ACTR3B: variants seen among roughly 807,000 people sequenced by gnomAD.
ACTR3B encodes actin related protein 3B.
A neutral mutation model predicts 59.0 loss-of-function variants in ACTR3B; 8 were observed. That is an observed-to-expected ratio of 0.14 (90% CI 0.08 to 0.24). The LOEUF is 0.24. Among genes scored for constraint, ACTR3B ranks in the 10% least tolerant of loss-of-function variants. The pLI, the probability that ACTR3B is intolerant of heterozygous loss-of-function variation, is 1.00. For missense variants in ACTR3B, 245 were observed against 552.3 expected, an observed-to-expected ratio of 0.44 and a Z score of 5.58; for synonymous variants, 148 against 197.9, an observed-to-expected ratio of 0.75 and a Z score of 2.12.
At chr7:152,763,614 G>A (rs1159429457) in intron 1 of ACTR3B, among the ~76,000 whole-genome samples, 3 of 151,884 alleles carry the variant, frequency 2.0e-5, no homozygotes, top group African/African-American at 2.4e-5. Flanking sequence ...TGGTAGAGAC[G>A]GGATTTCATC....
At chr7:152,818,750 A>G (rs1795917464) in intron 6 of ACTR3B, among the ~76,000 whole-genome samples, 1 of 152,230 alleles carries the variant, frequency 6.6e-6, no homozygotes, top group Admixed American at 6.5e-5. Flanking sequence ...TGCCCGGCCT[A>G]AGCTCTTTTT....
In ACTR3B at chr7:152,852,239, C is replaced by T. The variant is rs144915052; in HGVS notation, c.1065C>T (p.Gly355=). The T allele has an allele frequency of 1.7e-4, 273 of 1,581,208 alleles. 2 individuals carry two copies. In the African/African-American group the frequency reaches 2.6e-3, roughly 15 times the overall value. Residue 355 remains glycine (G), a synonymous_variant, in exon 10 of 12, where the codon GGC becomes GGT. Coordinates refer to ENST00000256001, the MANE Select transcript of ACTR3B (RefSeq NM_020445.6). ...ARLRLSEELS[G]GRIKPKPVEV... is the part of the protein sequence containing the mutation. ...TGAGGCTCAGCGAGGAGCTCAGCGGCGGGAGGATCAAGGTAGGAGCCAGAG... is the reference window on the plus strand; with the variant it reads ...TGAGGCTCAGCGAGGAGCTCAGCGGTGGGAGGATCAAGGTAGGAGCCAGAG...
At chr7:152,799,448 G>A (rs1254180567) in intron 2 of ACTR3B, among the ~76,000 whole-genome samples, 1 of 152,150 alleles carries the variant, frequency 6.6e-6, no homozygotes, top group East Asian at 1.9e-4. Flanking sequence ...GCTATTGTGA[G>A]GATGTAATAA....
intron 2 of ACTR3B, among the ~76,000 whole-genome samples, chr7:152,797,601 G>A (rs918769719): frequency 4.6e-5 from 7 of 152,050 alleles, no homozygotes; most frequent in East Asian, 1.9e-4. Context: ...TTGTCACGTC[G>A]TTGTATGCTA....
At chr7:152,783,987 G>A (rs983593952) in intron 2 of ACTR3B, among the ~76,000 whole-genome samples, 4 of 152,136 alleles carry the variant, frequency 2.6e-5, no homozygotes, top group Non-Finnish European at 4.4e-5. Flanking sequence ...CGACTCGGGA[G>A]GCTGAGGCAG....
chr7:152,764,396 G>A (rs2098101215), intron 1 of ACTR3B, among the ~76,000 whole-genome samples: 3 of 152,206 alleles, frequency 2.0e-5, no homozygotes, highest in South Asian at 2.1e-4. Context: ...TTGGGAGGCC[G>A]AGGATGTGGA....
chr7:152,771,669 A>G (rs974005835), intron 1 of ACTR3B, among the ~76,000 whole-genome samples: 7 of 152,198 alleles, frequency 4.6e-5, no homozygotes, highest in Non-Finnish European at 8.8e-5. Context: ...ATAAAAGACA[A>G]AGTTTTCCTG....
intron 1 of ACTR3B, among the ~76,000 whole-genome samples, chr7:152,764,743 A>C (rs1232506805): frequency 1.3e-5 from 2 of 152,200 alleles, no homozygotes; most frequent in Admixed American, 1.3e-4. Context: ...TTCTGGGTCA[A>C]AGGGCAAATG....
rs2098209119 is a variant in ACTR3B at position 152,794,524 on chromosome 7, A to G, written c.101-6007A>G. Among the ~76,000 whole-genome samples, 3 of 152,276 alleles carry G rather than the reference A, an allele frequency of 2.0e-5. No homozygotes were observed. In the South Asian group the frequency reaches 6.2e-4, roughly 32 times the overall value. The stretch of plus-strand genomic sequence containing the variant: ...AGCCACTGTGCCCGGCTATCTTTAC[A>G]ATCTTTTATATTGACTTGACAGTTT... On this transcript the variant is annotated intron_variant, in intron 2 of 11. Coordinates refer to ENST00000256001, the MANE Select transcript of ACTR3B (RefSeq NM_020445.6).
At position 152,854,638 on chromosome 7, in the gene ACTR3B, T is replaced by C; in HGVS notation, c.*85T>C. 7.1e-7 allele frequency: 1 copy of C among 1,413,572 alleles called. No homozygotes were observed. The highest frequency in any genetic ancestry group is 1.8e-5 in the Admixed American group (1 of 56,972). 87.6% of individuals were successfully genotyped at this position (1,413,572 alleles called of 1,614,324 possible). On this transcript the variant is annotated 3_prime_UTR_variant, in exon 12 of 12. Coordinates refer to ENST00000256001, the MANE Select transcript of ACTR3B (RefSeq NM_020445.6). This position sits in a 1 kb window ranked among gnomAD's most constrained non-coding sequence, Gnocchi z 4.9. The stretch of plus-strand genomic sequence containing the variant: ...CCAGAGAAGGCCGCCGTTCTGTAAA[T>C]AGCGACGTCGGTGTTGCTGCCCAGC...
At chr7:152,789,046 A>AACAG (rs1491422195) in intron 2 of ACTR3B, among the ~76,000 whole-genome samples, 9 of 90,974 alleles carry the variant, frequency 9.9e-5, no homozygotes, top group African/African-American at 2.3e-4. Flanking sequence ...AACAACAACA[A>AACAG]CAACAAACAG....
chr7:152,821,978 A>G (rs553086502), intron 7 of ACTR3B, among the ~76,000 whole-genome samples: 1 of 152,340 alleles, frequency 6.6e-6, no homozygotes, highest in South Asian at 2.1e-4. Flanking sequence ...CAATGGAAAC[A>G]TTTCCTAGCA....
At chr7:152,794,539 C>T (rs1326224672) in intron 2 of ACTR3B, among the ~76,000 whole-genome samples, 1 of 152,192 alleles carries the variant, frequency 6.6e-6, no homozygotes, top group Non-Finnish European at 1.5e-5. Flanking sequence ...TTTATATTGA[C>T]TTGACAGTTT....
At chr7:152,792,665 T>C (rs1481934306) in intron 2 of ACTR3B, among the ~76,000 whole-genome samples, 1 of 152,086 alleles carries the variant, frequency 6.6e-6, no homozygotes, top group Non-Finnish European at 1.5e-5. Flanking sequence ...GGAGAATTGC[T>C]TGAACCTGGG....
chr7:152,810,852 C>T (rs966985270), intron 4 of ACTR3B: 11 of 149,790 alleles, frequency 7.3e-5, no homozygotes, highest in African/African-American at 1.7e-4. Context: ...CCCAGAGATC[C>T]GAGATTGGGC....
intron 2 of ACTR3B, among the ~76,000 whole-genome samples, chr7:152,795,845 T>C (rs1259975101): frequency 1.4e-5 from 2 of 138,488 alleles, no homozygotes; most frequent in Admixed American, 6.8e-5. Context: ...TAGTAGCTCT[T>C]GTTTTTTTTT....
At chr7:152,835,399 A>G (rs928675434) in intron 9 of ACTR3B, among the ~76,000 whole-genome samples, 8 of 152,232 alleles carry the variant, frequency 5.3e-5, no homozygotes, top group Admixed American at 3.9e-4. Context: ...GAATGGTGCA[A>G]TGAAGTGAGC....
At chr7:152,845,366 G>T (rs1159684778) in intron 9 of ACTR3B, among the ~76,000 whole-genome samples, 3 of 152,136 alleles carry the variant, frequency 2.0e-5, no homozygotes, top group Non-Finnish European at 4.4e-5. Context: ...GATGGCACAG[G>T]CCATCCCGAA....
intron 4 of ACTR3B, among the ~76,000 whole-genome samples, chr7:152,805,576 C>T (rs1420813508): frequency 6.6e-6 from 1 of 152,054 alleles, no homozygotes; most frequent in Non-Finnish European, 1.5e-5. Context: ...TCCTCATGAA[C>T]CTGGTGAAAT....
Sources: allele counts gnomAD v4.1 joint callset (sites outside exome capture counted in the v4.1 genomes callset), GRCh38; gene constraint gnomAD v4.1.1; non-coding constraint Gnocchi (gnomAD v3.1); transcripts MANE v1.5; gene names NCBI Gene and HGNC (gene_info 2026-07-23, HGNC 2026-07-21).